Variants in IL11 observed in about 807,000 individuals in gnomAD.
The protein encoded by IL11 is interleukin 11, also known as interleukin-11.
In IL11, 17 loss-of-function variants were observed where a neutral mutation model predicts 18.1. That is an observed-to-expected ratio of 0.94 (90% CI 0.64 to 1.41). IL11 has a LOEUF of 1.41. Among genes scored for constraint, IL11 ranks in the 40% most tolerant of loss-of-function variants. IL11 has a pLI of 0.00. For missense variants in IL11, 309 were observed against 262.8 expected, an observed-to-expected ratio of 1.18 and a Z score of -1.22; for synonymous variants, 144 against 134.1, an observed-to-expected ratio of 1.07 and a Z score of -0.51.
chr19:55,369,486 C>G lies in IL11; in HGVS notation c.8-545G>C, dbSNP rs1321341027. On this transcript the variant is annotated intron_variant, in intron 1 of 4. Transcript: ENST00000264563. This position sits in a 1 kb window ranked among gnomAD's most constrained non-coding sequence, Gnocchi z 6.1. ...GAGCCCGGGAGACACGGACCTCTCC[C>G]ACGGGAGACCCCTTAGACGCCCTCC... 6.7e-6 allele frequency among the ~76,000 whole-genome samples: 1 copy of G among 148,662 alleles called. No homozygotes were observed. Among genetic ancestry groups the G allele is most frequent in the Non-Finnish European group, 1.5e-5 (1 of 67,830 alleles).
At position 55,368,536 on chromosome 19, in the gene IL11, G is replaced by C; in HGVS notation, c.214C>G (p.Leu72Val). The change falls in exon 3 of 5, where the codon CTG (leucine) becomes GTG (valine). Residue 72 changes from leucine (L) to valine (V), a missense_variant. By Grantham distance (32) the Leu-to-Val change is conservative. Transcript: ENST00000264563. ...ATGGCCAGGGTGGGCAGGGAATCCAGGTTGTGGTCCCCGTCAGCTGGGAAT... is the reference window on the plus strand; with the variant it reads ...ATGGCCAGGGTGGGCAGGGAATCCACGTTGTGGTCCCCGTCAGCTGGGAAT... ...DKFPADGDHN[L>V]DSLPTLAMSA... The C allele has an allele frequency of 6.2e-7, 1 of 1,613,086 alleles. No individual in the cohort carries two copies. The highest frequency in any genetic ancestry group is 8.5e-7 in the Non-Finnish European group (1 of 1,179,728).
At position 55,366,666 on chromosome 19, in the gene IL11, T is replaced by C. The variant is rs924597350; in HGVS notation, c.430-489A>G. The stretch of plus-strand genomic sequence containing the variant: ...TGTCTACTAAAATACAAAAAAATTA[T>C]CCGGGTGTGGCAGTGTGCACCTGAA... On this transcript the variant is annotated intron_variant, in intron 4 of 4. Transcript: ENST00000264563. This position sits in a 1 kb window ranked among gnomAD's most constrained non-coding sequence, Gnocchi z 4.6. Among the ~76,000 whole-genome samples, 1 of 151,900 alleles carries C rather than the reference T, an allele frequency of 6.6e-6. No individual in the cohort carries two copies. The highest frequency in any genetic ancestry group is 2.1e-4 in the South Asian group (1 of 4,794).
rs1224327019 is a variant in IL11 at position 55,369,458 on chromosome 19, A to G, written c.8-517T>C. On this transcript the variant is annotated intron_variant, in intron 1 of 4. Transcript: ENST00000264563. This position sits in a 1 kb window ranked among gnomAD's most constrained non-coding sequence, Gnocchi z 6.1. ...GCAGGGGAAGGAGCCAGAAGCCAGGACGGAGCCCGGGAGACACGGACCTCT... is the reference window on the plus strand; with the variant it reads ...GCAGGGGAAGGAGCCAGAAGCCAGGGCGGAGCCCGGGAGACACGGACCTCT... 2.0e-5 allele frequency among the ~76,000 whole-genome samples: 3 copies of G among 151,124 alleles called. No individual in the cohort carries two copies. The highest frequency in any genetic ancestry group is 7.3e-5 in the African/African-American group (3 of 41,028).
rs202156941 is a variant in IL11, at chr19:55,368,343, G to A, written c.296C>T (p.Ala99Val). ...QLPGVLTRLR[A>V]DLLSYLRHVQ... ...GTGCCGCAGGTAGGACAGTAGGTCC[G>A]CTCGCAGCCTTGTCAGCACACCTGG... The change falls in exon 4 of 5, where the codon GCG (alanine) becomes GTG (valine). Residue 99 changes from alanine (A) to valine (V), a missense_variant. Physicochemically the swap from Ala to Val is moderately conservative, Grantham distance 64 (BLOSUM62 0). Transcript: ENST00000264563. The A allele has an allele frequency of 3.4e-5, 55 of 1,598,752 alleles. No homozygotes were observed. In the Admixed American group the frequency reaches 4.2e-4, roughly 12 times the overall value.
Position 55,366,099 on chromosome 19 carries a change from C to A in IL11, c.508G>T (p.Gly170Cys). Residue 170 changes from glycine to cysteine, a missense_variant, in exon 5 of 5, where the codon GGC becomes TGC. Coordinates refer to ENST00000264563, the MANE Select transcript of IL11 (RefSeq NM_000641.4). The surrounding 1 kb of genome is among the most constrained non-coding windows in gnomAD (Gnocchi z 4.6). ...PLAPPSSAWG[G>C]IRAAHAILGG... ...AGGATGGCGTGGGCGGCCCTGATGC[C>A]CCCCCAGGCTGAGGAGGGGGGCGCC... is the stretch of plus-strand genomic sequence containing the variant. 1 of 1,573,632 alleles carries A rather than the reference C, an allele frequency of 6.4e-7. No individual in the cohort carries two copies. The highest frequency in any genetic ancestry group is 8.6e-7 in the Non-Finnish European group (1 of 1,161,420).
chr19:55,368,885 G>T lies in IL11; in HGVS notation c.64C>A (p.Pro22Thr). The T allele has an allele frequency of 6.4e-7, 1 of 1,566,834 alleles. No homozygotes were observed. Among genetic ancestry groups the T allele is most frequent in the East Asian group, 2.3e-5 (1 of 43,120 alleles). ...LSLWPDTAVA[P>T]GPPPGPPRVS... ...CGAGGGGGGCCAGGTGGTGGCCCAG[G>T]GGCGACAGCTGTATCTGGCCACAGG... The change falls in exon 2 of 5, where the codon CCT becomes ACT. Residue 22 changes from proline (P) to threonine (T), a missense_variant. Coordinates refer to ENST00000264563, the MANE Select transcript of IL11 (RefSeq NM_000641.4).
At chr19:55,368,657 C>T in intron 2 of IL11, 88 bp from the exon 3 acceptor site, 2 of 1,491,404 alleles carry the variant, frequency 1.3e-6, no homozygotes, top group East Asian at 4.9e-5. Flanking sequence ...TCTTCCCCTC[C>T]CTCACTCTGC....
At position 55,366,120 on chromosome 19, in the gene IL11, G is replaced by C. The variant is rs1297846668; in HGVS notation, c.487C>G (p.Pro163Ala). The C allele has an allele frequency of 6.5e-7, 1 of 1,542,562 alleles. No homozygotes were observed. Among genetic ancestry groups the C allele is most frequent in the Non-Finnish European group, 8.7e-7 (1 of 1,145,310 alleles). Residue 163 changes from proline to alanine, a missense_variant, in exon 5 of 5, where the codon CCC (proline) becomes GCC (alanine). Transcript: ENST00000264563. This position sits in a 1 kb window ranked among gnomAD's most constrained non-coding sequence, Gnocchi z 4.6. ...PPDPPAPPLA[P>A]PSSAWGGIRA... ...ATGCCCCCCCAGGCTGAGGAGGGGGGCGCCAGCGGGGGCGCCGGCGGGTCC... is the reference window on the plus strand; with the variant it reads ...ATGCCCCCCCAGGCTGAGGAGGGGGCCGCCAGCGGGGGCGCCGGCGGGTCC...
At chr19:55,368,997 G>C in intron 1 of IL11, 56 bp from the exon 2 acceptor site, 201 of 1,420,594 alleles carry the variant, frequency 1.4e-4, no homozygotes, top group Non-Finnish European at 1.7e-4. Flanking sequence ...GAGAGAGGAG[G>C]GCCTGGGCCT....
Position 55,364,820 on chromosome 19 carries a change from C to T in IL11, c.*1187G>A, listed in dbSNP as rs1360729927. On this transcript the variant is annotated 3_prime_UTR_variant, in exon 5 of 5. Coordinates refer to ENST00000264563, the MANE Select transcript of IL11 (RefSeq NM_000641.4). ...ATATCTTTCTATATCCCAAGCAAGC[C>T]TCTCTCCTTAGCCTCCCTGAATGAC... 1 of 152,216 alleles carries T rather than the reference C, an allele frequency of 6.6e-6. No individual in the cohort carries two copies. The highest frequency in any genetic ancestry group is 1.5e-5 in the Non-Finnish European group (1 of 68,046). The allele number at this position is 152,216 out of a possible 1,614,324, so 9.4% of individuals were successfully genotyped here. A position where few individuals can be genotyped will look rare whatever the true frequency, so the allele number is the denominator to read the frequency against.
In IL11 at chr19:55,370,445, G is replaced by A. The variant is rs1296322501; in HGVS notation, c.-135C>T. 1.4e-5 allele frequency: 7 copies of A among 484,428 alleles called. No homozygotes were observed. The highest frequency in any genetic ancestry group is 2.4e-5 in the Non-Finnish European group (7 of 289,624). 30.0% of individuals were successfully genotyped at this position (484,428 alleles called of 1,614,324 possible). A position where few individuals can be genotyped will look rare whatever the true frequency, so the allele number is the denominator to read the frequency against. On this transcript the variant is annotated 5_prime_UTR_variant, in exon 1 of 5. Coordinates refer to ENST00000264563, the MANE Select transcript of IL11 (RefSeq NM_000641.4). ...TGGGGAGGGGAGGCATGTGCCCTGA[G>A]CAGCAGGGCCGCGGCAGTGAGGGAG...
chr19:55,369,788 C>A lies in IL11; in HGVS notation c.7+516G>T, dbSNP rs367860171. Among the ~76,000 whole-genome samples the A allele has an allele frequency of 6.8e-4, 103 of 151,154 alleles. 1 individual carries two copies. Among genetic ancestry groups the A allele is most frequent in the Middle Eastern group, 6.8e-3 (2 of 292 alleles). Reference sequence around the variant, plus strand: ...CGGGCCCGCCAGCCGTCGGTCTGTCCGCGCCTCCGTCGGCCGCATCTGCCC... The same window carrying A: ...CGGGCCCGCCAGCCGTCGGTCTGTCAGCGCCTCCGTCGGCCGCATCTGCCC... On this transcript the variant is annotated intron_variant, in intron 1 of 4. Coordinates refer to ENST00000264563, the MANE Select transcript of IL11 (RefSeq NM_000641.4). The surrounding 1 kb of genome is among the most constrained non-coding windows in gnomAD (Gnocchi z 6.1).
rs1180562840 is a variant in IL11 at position 55,365,227 on chromosome 19, G to A, written c.*780C>T. 1 of 151,114 alleles carries A rather than the reference G, an allele frequency of 6.6e-6. No individual in the cohort carries two copies. Among genetic ancestry groups the A allele is most frequent in the Non-Finnish European group, 1.5e-5 (1 of 68,110 alleles). The allele number at this position is 151,114 out of a possible 1,614,324, so 9.4% of individuals were successfully genotyped here. A position where few individuals can be genotyped will look rare whatever the true frequency, so the allele number is the denominator to read the frequency against. ...TAGCTGGGCATGGTGGTGCACACCT[G>A]TGATCCCAGCTAATCGGGAGGCTGA... On this transcript the variant is annotated 3_prime_UTR_variant, in exon 5 of 5. Coordinates refer to ENST00000264563, the MANE Select transcript of IL11 (RefSeq NM_000641.4).
Position 55,365,721 on chromosome 19 carries a change from G to C in IL11, c.*286C>G, listed in dbSNP as rs1441516243. The C allele has an allele frequency of 2.2e-6, 1 of 452,364 alleles. No individual in the cohort carries two copies. Among genetic ancestry groups the C allele is most frequent in the Non-Finnish European group, 3.9e-6 (1 of 257,504 alleles). The allele number at this position is 452,364 out of a possible 1,614,324, so 28.0% of individuals were successfully genotyped here. A position where few individuals can be genotyped will look rare whatever the true frequency, so the allele number is the denominator to read the frequency against. On this transcript the variant is annotated 3_prime_UTR_variant, in exon 5 of 5. Coordinates refer to ENST00000264563, the MANE Select transcript of IL11 (RefSeq NM_000641.4). ...TTCCTGCCCAGGCCTAGATGGGGAA[G>C]AGCCAGGGCAGAAGTCTGTGGACAG...
intron 4 of IL11, among the ~76,000 whole-genome samples, chr19:55,367,450 CTT>C (rs980514763): frequency 3.2e-4 from 22 of 69,820 alleles, no homozygotes; most frequent in African/African-American, 7.0e-4. Flanking sequence ...TCTTTTCCTT[CTT>C]TTTTTTTTTT....
At position 55,369,011 on chromosome 19, in the gene IL11, C is replaced by A; in HGVS notation, c.8-70G>T. The stretch of plus-strand genomic sequence containing the variant: ...TGAGAGAGGAGGGCCTGGGCCTGGA[C>A]TCCCGGGTCTGAGGGAGGAGGAACT... On this transcript the variant is annotated intron_variant, in intron 1 of 4. Coordinates refer to ENST00000264563, the MANE Select transcript of IL11 (RefSeq NM_000641.4). The surrounding 1 kb of genome is among the most constrained non-coding windows in gnomAD (Gnocchi z 6.1). 1 of 1,376,844 alleles carries A rather than the reference C, an allele frequency of 7.3e-7. No homozygotes were observed. 85.3% of individuals were successfully genotyped at this position (1,376,844 alleles called of 1,614,324 possible).
In IL11 at chr19:55,365,209, G is replaced by C. The variant is rs2089777689; in HGVS notation, c.*798C>G. 6.6e-6 allele frequency: 1 copy of C among 152,160 alleles called. No homozygotes were observed. The highest frequency in any genetic ancestry group is 6.5e-5 in the Admixed American group (1 of 15,278). The allele number at this position is 152,160 out of a possible 1,614,324, so 9.4% of individuals were successfully genotyped here. ...ACAAAAGAAATAAATAATTAGCTGG[G>C]CATGGTGGTGCACACCTGTGATCCC... On this transcript the variant is annotated 3_prime_UTR_variant, in exon 5 of 5. Coordinates refer to ENST00000264563, the MANE Select transcript of IL11 (RefSeq NM_000641.4).
chr19:55,370,264 G>A (rs2089814320), intron 1 of IL11, 40 bp downstream of exon 1: 2 of 1,459,862 alleles, frequency 1.4e-6, no homozygotes, highest in East Asian at 5.2e-5. Flanking sequence ...TCTCCTCCCT[G>A]CCTCCCTGTC....
rs1052114455 is a variant in IL11 at position 55,364,951 on chromosome 19, A to G, written c.*1056T>C. ...TTGTTTCCAGTTTGCTATGGTGAAC[A>G]CAGCCATAATGAACCATCTTGACCT... On this transcript the variant is annotated 3_prime_UTR_variant, in exon 5 of 5. Coordinates refer to ENST00000264563, the MANE Select transcript of IL11 (RefSeq NM_000641.4). 1 of 152,214 alleles carries G rather than the reference A, an allele frequency of 6.6e-6. No individual in the cohort carries two copies. The highest frequency in any genetic ancestry group is 2.4e-5 in the African/African-American group (1 of 41,460). 9.4% of individuals were successfully genotyped at this position (152,214 alleles called of 1,614,324 possible).
Sources: gnomAD v4.1 joint callset for allele counts (sites outside exome capture counted in the v4.1 genomes callset) on GRCh38, gnomAD v4.1.1 for gene constraint, Gnocchi (gnomAD v3.1) non-coding constraint, MANE v1.5 for transcripts, NCBI Gene and HGNC (gene_info 2026-07-23, HGNC 2026-07-21) for gene names.